Variants in SNX30 observed in about 807,000 individuals in gnomAD.
SNX30 encodes the protein sorting nexin-30.
A neutral mutation model predicts 46.4 loss-of-function variants in SNX30; 24 were observed. The ratio of observed to expected loss-of-function variants is 0.52; its 90% confidence interval spans 0.37 to 0.73. The LOEUF is 0.73. SNX30 is among the 30% of genes least tolerant of loss of function. The probability of loss-of-function intolerance (pLI) is 0.00; values close to 1 mark genes in which losing one functional copy is unlikely to be tolerated. For missense variants in SNX30, 533 were observed against 555.7 expected (o/e 0.96, Z 0.41); for synonymous variants, 189 against 211.5 (o/e 0.89, Z 0.92).
In SNX30 at chr9:112,871,396, C is replaced by T. The variant is rs41301513; in HGVS notation, c.*2553C>T. ...CCTGGGCCTCTGAGGGCCAGCAGTC[C>T]CAACCATTTGCCTCTTCGTTTTGAC... On this transcript the variant is annotated 3_prime_UTR_variant, in exon 9 of 9. Transcript: ENST00000374232. 7,645 of 151,982 alleles carry T rather than the reference C, an allele frequency of 0.05. 433 individuals are homozygous for T. The highest frequency in any genetic ancestry group is 0.18 in the South Asian group (863 of 4,796). 9.4% of individuals were successfully genotyped at this position (151,982 alleles called of 1,614,324 possible).
intron 1 of SNX30, among the ~76,000 whole-genome samples, chr9:112,761,915 G>A (rs889058648): frequency 3.3e-5 from 5 of 152,074 alleles, no homozygotes; most frequent in Non-Finnish European, 1.5e-5. Flanking sequence ...GAGGTTTGAG[G>A]TCAGAATTTA....
At chr9:112,836,066 C>T (rs1201920249) in intron 4 of SNX30, 148 bp from the exon 5 acceptor site, 2 of 719,386 alleles carry the variant, frequency 2.8e-6, no homozygotes, top group Non-Finnish European at 4.6e-6. Flanking sequence ...CCAGGTTCCT[C>T]CTGTGAATGT....
intron 4 of SNX30, among the ~76,000 whole-genome samples, chr9:112,831,587 C>T (rs1362145577): frequency 1.3e-5 from 2 of 152,182 alleles, no homozygotes; most frequent in South Asian, 2.1e-4. Flanking sequence ...GTTCAGGTAG[C>T]GTCACTAGGA....
intron 1 of SNX30, 81 bp from the exon 2 acceptor site, chr9:112,804,695 G>A: frequency 7.8e-7 from 1 of 1,276,484 alleles, no homozygotes; most frequent in South Asian, 1.6e-5. Context: ...AATGTTTATT[G>A]GTTTGGCTAA....
chr9:112,856,127 C>T (rs530429926), intron 7 of SNX30, among the ~76,000 whole-genome samples: 21 of 152,116 alleles, frequency 1.4e-4, no homozygotes, highest in Non-Finnish European at 5.9e-5. Context: ...GAGAAGGCTT[C>T]ACAGAATTCC....
intron 1 of SNX30, among the ~76,000 whole-genome samples, chr9:112,756,553 A>G (rs1296067852): frequency 7.0e-6 from 1 of 142,996 alleles, no homozygotes; most frequent in Non-Finnish European, 1.5e-5. Flanking sequence ...CTCTGCCTCC[A>G]GGGTTCAAGC....
At chr9:112,833,559 G>A (rs1840702728) in intron 4 of SNX30, among the ~76,000 whole-genome samples, 1 of 152,190 alleles carries the variant, frequency 6.6e-6, no homozygotes, top group South Asian at 2.1e-4. Flanking sequence ...ACGCTCAATA[G>A]CAACTATATT....
Position 112,750,888 on chromosome 9 carries a change from C to T in SNX30, c.-114C>T, listed in dbSNP as rs1182480758. 2.6e-5 allele frequency: 26 copies of T among 1,012,244 alleles called. No individual in the cohort carries two copies. Among genetic ancestry groups the T allele is most frequent in the Admixed American group, 5.2e-5 (1 of 19,120 alleles). 62.7% of individuals were successfully genotyped at this position (1,012,244 alleles called of 1,614,324 possible). On this transcript the variant is annotated 5_prime_UTR_variant, in exon 1 of 9. Coordinates refer to ENST00000374232, the MANE Select transcript of SNX30 (RefSeq NM_001012994.2). ...GCGGCGGCCCCCAGCACGGCCGGTG[C>T]AAGGCCTCGGGTTAAGCGGCGGCCG...
intron 1 of SNX30, among the ~76,000 whole-genome samples, chr9:112,781,857 G>A (rs1401593205): frequency 1.3e-5 from 2 of 151,506 alleles, no homozygotes; most frequent in Admixed American, 6.6e-5. Context: ...GGTCAGGCTG[G>A]TCTTAAACTC....
chr9:112,835,369 G>C (rs1308331233), intron 4 of SNX30, among the ~76,000 whole-genome samples: 1 of 152,070 alleles, frequency 6.6e-6, no homozygotes. Flanking sequence ...GAAGTGGCAC[G>C]ATCTCAATTC....
chr9:112,775,375 G>T (rs1017604496), intron 1 of SNX30, among the ~76,000 whole-genome samples: 11 of 150,918 alleles, frequency 7.3e-5, no homozygotes, highest in African/African-American at 2.7e-4. Flanking sequence ...GGCTGGTCTC[G>T]ACCTCCCGAC....
At chr9:112,804,624 C>G in intron 1 of SNX30, 152 bp from the exon 2 acceptor site, 1 of 601,422 alleles carries the variant, frequency 1.7e-6, no homozygotes. Flanking sequence ...GATTTGTTCA[C>G]TCAAGAAACA....
intron 8 of SNX30, among the ~76,000 whole-genome samples, chr9:112,867,315 T>C (rs1192916090): frequency 6.8e-6 from 1 of 147,102 alleles, no homozygotes; most frequent in Non-Finnish European, 1.5e-5. Flanking sequence ...TCCTCCCACC[T>C]CCTCAGAATT....
downstream of SNX30, chr9:112,879,274 T>G (rs1841549875): frequency 6.5e-6 from 1 of 153,432 alleles, no homozygotes; most frequent in Non-Finnish European, 1.5e-5. Context: ...AAACTGTTGG[T>G]AGTTCTTACA....
At chr9:112,835,540 C>G (rs1430198815) in intron 4 of SNX30, among the ~76,000 whole-genome samples, 1 of 150,686 alleles carries the variant, frequency 6.6e-6, no homozygotes, top group Non-Finnish European at 1.5e-5. Context: ...TGGTCTTGAA[C>G]TCCTGACCTC....
At chr9:112,778,898 G>GC (rs945423015) in intron 1 of SNX30, among the ~76,000 whole-genome samples, 10 of 152,062 alleles carry the variant, frequency 6.6e-5, no homozygotes, top group African/African-American at 1.2e-4. Flanking sequence ...ACTTGGGGGG[G>GC]GGGGATTTGC....
At chr9:112,763,738 A>G (rs1839482612) in intron 1 of SNX30, among the ~76,000 whole-genome samples, 1 of 151,876 alleles carries the variant, frequency 6.6e-6, no homozygotes, top group Non-Finnish European at 1.5e-5. Context: ...AATCCCAGCT[A>G]CTTGGGAGGC....
downstream of SNX30, chr9:112,877,817 A>G (rs1325471795): frequency 6.6e-6 from 1 of 152,158 alleles, no homozygotes; most frequent in Non-Finnish European, 1.5e-5. Flanking sequence ...ACTCGGGCTC[A>G]AGCGATCCTG....
chr9:112,837,541 T>C (rs1840777177), intron 5 of SNX30, among the ~76,000 whole-genome samples: 1 of 152,136 alleles, frequency 6.6e-6, no homozygotes, highest in Non-Finnish European at 1.5e-5. Context: ...AGTGGCACCA[T>C]CTCGGCTCAC....
Sources: allele counts gnomAD v4.1 joint callset (sites outside exome capture counted in the v4.1 genomes callset), GRCh38; gene constraint gnomAD v4.1.1; transcripts MANE v1.5; gene names NCBI Gene and HGNC (gene_info 2026-07-23, HGNC 2026-07-21).